Variants in QTMAN observed in about 807,000 individuals in gnomAD.
QTMAN encodes queuosine-tRNA mannosyltransferase.
At chr2:144,180,370 C>T in the QTMAN span, among the ~76,000 whole-genome samples, 4 of 152,116 alleles carry the variant, frequency 2.6e-5, no homozygotes, top group Non-Finnish European at 4.4e-5. Context: ...CAAAATGTTT[C>T]ATTAATGTAA....
chr2:144,050,872 A>C, the QTMAN span, among the ~76,000 whole-genome samples: 1 of 152,170 alleles, frequency 6.6e-6, no homozygotes, highest in Non-Finnish European at 1.5e-5. Context: ...AAGTCTGTAC[A>C]TGTTCAGTAC....
the QTMAN span, among the ~76,000 whole-genome samples, chr2:143,984,805 A>G: frequency 5.3e-5 from 8 of 152,194 alleles, no homozygotes; most frequent in Non-Finnish European, 1.2e-4. Flanking sequence ...GCTGAGCTCC[A>G]GGGAGAGATT....
At chr2:144,196,879 A>AG in the QTMAN span, among the ~76,000 whole-genome samples, 1 of 152,164 alleles carries the variant, frequency 6.6e-6, no homozygotes, top group African/African-American at 2.4e-5. Flanking sequence ...ACTTTTTGGC[A>AG]GGGGGGATAG....
At chr2:144,119,404 T>C in the QTMAN span, among the ~76,000 whole-genome samples, 2 of 152,326 alleles carry the variant, frequency 1.3e-5, no homozygotes, top group Non-Finnish European at 2.9e-5. Context: ...ACCTTCCTGC[T>C]CCTGTTAGAT....
the QTMAN span, among the ~76,000 whole-genome samples, chr2:144,301,855 C>T: frequency 8.5e-5 from 13 of 152,176 alleles, no homozygotes; most frequent in Non-Finnish European, 1.8e-4. Context: ...AGTGCCAGCA[C>T]GGGCACATCA....
chr2:143,986,905 G>GTA, the QTMAN span, among the ~76,000 whole-genome samples: 686 of 152,284 alleles, frequency 4.5e-3, 8 homozygotes, highest in African/African-American at 0.016. Flanking sequence ...AAAGCGATGA[G>GTA]TGTATATGGA....
chr2:144,071,515 T>C, the QTMAN span, among the ~76,000 whole-genome samples: 9 of 152,170 alleles, frequency 5.9e-5, no homozygotes, highest in Middle Eastern at 3.2e-3. Flanking sequence ...TTTCTTTTCA[T>C]GTAGTTTACT....
chr2:144,106,866 C>T, the QTMAN span, among the ~76,000 whole-genome samples: 8 of 152,284 alleles, frequency 5.3e-5, no homozygotes, highest in African/African-American at 1.9e-4. Context: ...GTAAAGCTCT[C>T]CTCAGCAAAT....
At chr2:144,015,571 T>G in the QTMAN span, among the ~76,000 whole-genome samples, 1 of 152,160 alleles carries the variant, frequency 6.6e-6, no homozygotes, top group Non-Finnish European at 1.5e-5. Context: ...TGTTGGAAAC[T>G]AATCTTAAAT....
At chr2:144,179,012 T>C in the QTMAN span, 3 of 462,086 alleles carry the variant, frequency 6.5e-6, no homozygotes, top group South Asian at 4.8e-5. Flanking sequence ...AAAACTTCTT[T>C]GATTATTTAA....
chr2:143,991,163 G>A, the QTMAN span, among the ~76,000 whole-genome samples: 126 of 152,226 alleles, frequency 8.3e-4, no homozygotes, highest in African/African-American at 2.9e-3. Context: ...GGAGAGAAGA[G>A]AGCGAATGAG....
At chr2:144,065,393 T>G in the QTMAN span, among the ~76,000 whole-genome samples, 1 of 152,226 alleles carries the variant, frequency 6.6e-6, no homozygotes, top group Non-Finnish European at 1.5e-5. Flanking sequence ...CCAAATGGAC[T>G]GCATTAAAGG....
At chr2:144,192,496 C>A in the QTMAN span, among the ~76,000 whole-genome samples, 1 of 152,180 alleles carries the variant, frequency 6.6e-6, no homozygotes, top group Non-Finnish European at 1.5e-5. Context: ...GTATCACCTG[C>A]TGCAACAAGT....
chr2:144,165,288 T>C, the QTMAN span, among the ~76,000 whole-genome samples: 15 of 152,066 alleles, frequency 9.9e-5, no homozygotes, highest in Admixed American at 5.2e-4. Context: ...GAGAATCGCT[T>C]GAACCCAGGA....
the QTMAN span, among the ~76,000 whole-genome samples, chr2:143,961,435 C>A: frequency 2.0e-5 from 3 of 152,106 alleles, no homozygotes; most frequent in African/African-American, 7.2e-5. Context: ...ATCTCATATG[C>A]CTTTACAGGC....
At chr2:144,112,118 G>C in the QTMAN span, among the ~76,000 whole-genome samples, 1 of 152,092 alleles carries the variant, frequency 6.6e-6, no homozygotes, top group East Asian at 1.9e-4. Context: ...ATAATCCCTA[G>C]GATTCTTGCA....
chr2:144,038,414 C>T, the QTMAN span, among the ~76,000 whole-genome samples: 11 of 152,126 alleles, frequency 7.2e-5, no homozygotes, highest in Non-Finnish European at 1.5e-4. Flanking sequence ...AAAAGTTTTG[C>T]TTTTTGAACT....
the QTMAN span, among the ~76,000 whole-genome samples, chr2:144,171,540 T>C: frequency 2.8e-4 from 42 of 152,196 alleles, no homozygotes; most frequent in African/African-American, 1.0e-3. Flanking sequence ...ATATTTTAAT[T>C]ATGTGAAAAA....
chr2:144,176,423 T>C, the QTMAN span, among the ~76,000 whole-genome samples: 13,296 of 152,130 alleles, frequency 0.087, 1,214 homozygotes, highest in African/African-American at 0.23. Context: ...GGAAGAAATA[T>C]TAAAGTCAGC....
Sources: gnomAD v4.1 joint callset for allele counts (sites outside exome capture counted in the v4.1 genomes callset) on GRCh38, gnomAD v4.1.1 for gene constraint, MANE v1.5 for transcripts, NCBI Gene and HGNC (gene_info 2026-07-23, HGNC 2026-07-21) for gene names.